Variants in COL25A1 observed in about 807,000 individuals in gnomAD.
COL25A1 encodes collagen alpha-1(XXV) chain.
COL25A1 carries 103 observed loss-of-function variants against 128.4 expected under a neutral mutation model. That is an observed-to-expected ratio of 0.80 (90% CI 0.68 to 0.94). The LOEUF (loss-of-function observed/expected upper bound fraction) is 0.94. Among genes scored for constraint, COL25A1 ranks in the 40% least tolerant of loss-of-function variants. The probability of loss-of-function intolerance (pLI) is 0.00; values close to 1 mark genes in which losing one functional copy is unlikely to be tolerated. For missense variants in COL25A1, 745 were observed against 840.0 expected, an observed-to-expected ratio of 0.89 and a Z score of 1.40; for synonymous variants, 279 against 277.2, an observed-to-expected ratio of 1.01 and a Z score of -0.06.
intron 3 of COL25A1, among the ~76,000 whole-genome samples, chr4:109,189,547 CAAAAAAAAA>C (rs33989375): frequency 3.7e-5 from 2 of 53,606 alleles, no homozygotes; most frequent in Admixed American, 2.2e-4. Context: ...GACTCCATCT[CAAAAAAAAA>C]AAAAAAAAAA....
intron 11 of COL25A1, among the ~76,000 whole-genome samples, chr4:108,922,960 C>T (rs932765265): frequency 1.3e-5 from 2 of 152,072 alleles, no homozygotes; most frequent in African/African-American, 2.4e-5. Flanking sequence ...ATCCATTACT[C>T]GGGGAGGGAT....
At chr4:108,935,122 T>C (rs1260310412) in intron 11 of COL25A1, among the ~76,000 whole-genome samples, 1 of 152,208 alleles carries the variant, frequency 6.6e-6, no homozygotes, top group Admixed American at 6.5e-5. Flanking sequence ...CAAGGAAATA[T>C]GGTTCTTCCT....
At chr4:109,215,777 G>T (rs997105732) in intron 3 of COL25A1, among the ~76,000 whole-genome samples, 1 of 152,006 alleles carries the variant, frequency 6.6e-6, no homozygotes, top group African/African-American at 2.4e-5. Flanking sequence ...CACAGCTCCC[G>T]TCACCCAGTA....
chr4:109,189,968 T>A (rs1304046478), intron 3 of COL25A1, among the ~76,000 whole-genome samples: 1 of 152,154 alleles, frequency 6.6e-6, no homozygotes, highest in African/African-American at 2.4e-5. Context: ...AATATTAATT[T>A]ACAATTTTAT....
At chr4:109,202,886 A>T (rs1374285742) in intron 3 of COL25A1, among the ~76,000 whole-genome samples, 1 of 152,142 alleles carries the variant, frequency 6.6e-6, no homozygotes, top group Admixed American at 6.6e-5. Flanking sequence ...GGCGAGAGGG[A>T]TATCTACATC....
At chr4:109,230,843 T>TA (rs1213420662) in intron 3 of COL25A1, among the ~76,000 whole-genome samples, 1 of 152,006 alleles carries the variant, frequency 6.6e-6, no homozygotes, top group Non-Finnish European at 1.5e-5. Context: ...TGATTAGAGG[T>TA]AAAAAATAAA....
chr4:109,043,647 C>T (rs1326164912), intron 5 of COL25A1, among the ~76,000 whole-genome samples: 1 of 152,044 alleles, frequency 6.6e-6, no homozygotes, highest in Non-Finnish European at 1.5e-5. Flanking sequence ...GATTCTGTGA[C>T]CTGTGAATAT....
chr4:109,287,038 GTATCATAA>G (rs575032368), intron 3 of COL25A1, among the ~76,000 whole-genome samples: 15 of 152,090 alleles, frequency 9.9e-5, no homozygotes, highest in Non-Finnish European at 2.1e-4. Flanking sequence ...TTTCTGCAAA[GTATCATAA>G]TACACACACA....
intron 3 of COL25A1, among the ~76,000 whole-genome samples, chr4:109,204,118 T>A (rs1776792608): frequency 6.6e-6 from 1 of 152,180 alleles, no homozygotes; most frequent in Admixed American, 6.5e-5. Flanking sequence ...CTAAATGATT[T>A]CAAGTTGTTG....
At chr4:109,114,200 C>T (rs1018853323) in intron 3 of COL25A1, among the ~76,000 whole-genome samples, 1 of 152,016 alleles carries the variant, frequency 6.6e-6, no homozygotes, top group Non-Finnish European at 1.5e-5. Context: ...AGAATGAACA[C>T]TCAATTAATT....
At chr4:108,949,790 C>A (rs1398180751) in intron 8 of COL25A1, among the ~76,000 whole-genome samples, 2 of 152,192 alleles carry the variant, frequency 1.3e-5, no homozygotes, top group African/African-American at 4.8e-5. Context: ...CCACCTCGGC[C>A]TCCCAAAGTG....
chr4:109,197,440 ATT>A (rs1560850429), intron 3 of COL25A1, among the ~76,000 whole-genome samples: 4 of 123,962 alleles, frequency 3.2e-5, no homozygotes, highest in Admixed American at 1.1e-4. Context: ...AATATTATAT[ATT>A]ATATATATTA....
Position 109,239,141 on chromosome 4 carries a change from T to C in COL25A1, c.367+61442A>G, listed in dbSNP as rs10084933. Among the ~76,000 whole-genome samples, 339 of 152,012 alleles carry C rather than the reference T, an allele frequency of 2.2e-3. 4 individuals are homozygous for C. Among genetic ancestry groups the C allele is most frequent in the African/African-American group, 8.0e-3 (331 of 41,506 alleles). ...GCTAAAAGAATACGGTCATCTTTTG[T>C]TTAATGATGGGGATACATTCTGAGA... On this transcript the variant is annotated intron_variant, in intron 3 of 37. Coordinates refer to ENST00000399132, the MANE Select transcript of COL25A1 (RefSeq NM_198721.4).
At chr4:109,089,663 T>C (rs894829344) in intron 3 of COL25A1, among the ~76,000 whole-genome samples, 2 of 152,152 alleles carry the variant, frequency 1.3e-5, no homozygotes, top group Non-Finnish European at 2.9e-5. Flanking sequence ...TGGAGTACAA[T>C]GGCATGATCT....
chr4:109,240,084 T>C (rs1198054555), intron 3 of COL25A1, among the ~76,000 whole-genome samples: 2 of 152,074 alleles, frequency 1.3e-5, no homozygotes, highest in Non-Finnish European at 1.5e-5. Context: ...CCTCCTGATG[T>C]ACCTGCCTAA....
intron 26 of COL25A1, among the ~76,000 whole-genome samples, 194 bp downstream of exon 26, chr4:108,852,042 T>A (rs1479102522): frequency 6.6e-6 from 1 of 152,152 alleles, no homozygotes; most frequent in Non-Finnish European, 1.5e-5. Flanking sequence ...CTTTTCCTAT[T>A]TTCCCTTCTT....
At chr4:109,148,913 C>CCTTCT (rs1771205687) in intron 3 of COL25A1, among the ~76,000 whole-genome samples, 1 of 152,082 alleles carries the variant, frequency 6.6e-6, no homozygotes, top group South Asian at 2.1e-4. Flanking sequence ...TACCCACTTC[C>CCTTCT]CTTCTCTTCT....
At chr4:108,897,569 A>G (rs1046409264) in intron 15 of COL25A1, among the ~76,000 whole-genome samples, 2 of 152,176 alleles carry the variant, frequency 1.3e-5, no homozygotes, top group Non-Finnish European at 2.9e-5. Context: ...AATGTAATAG[A>G]AAGGATAATT....
Position 108,809,871 on chromosome 4 carries a change from G to A in COL25A1, c.*4056C>T, listed in dbSNP as rs183962036. 2 of 152,122 alleles carry A rather than the reference G, an allele frequency of 1.3e-5. No individual in the cohort carries two copies. Among genetic ancestry groups the A allele is most frequent in the Admixed American group, 6.5e-5 (1 of 15,290 alleles). 9.4% of individuals were successfully genotyped at this position (152,122 alleles called of 1,614,324 possible). On this transcript the variant is annotated 3_prime_UTR_variant, in exon 38 of 38. Coordinates refer to ENST00000399132, the MANE Select transcript of COL25A1 (RefSeq NM_198721.4). Reference sequence around the variant, plus strand: ...ATGATTTTAATAGCCAGAATCACATGTGATTGTTCTTACTTATTATTTTTA... The same window carrying A: ...ATGATTTTAATAGCCAGAATCACATATGATTGTTCTTACTTATTATTTTTA...
Sources: gnomAD v4.1 joint callset for allele counts (sites outside exome capture counted in the v4.1 genomes callset) on GRCh38, gnomAD v4.1.1 for gene constraint, MANE v1.5 for transcripts, NCBI Gene and HGNC (gene_info 2026-07-23, HGNC 2026-07-21) for gene names.